The following POU6F2 variants were observed in gnomAD, a reference collection of about 807,000 sequenced individuals.
The protein encoded by POU6F2 is POU class 6 homeobox 2.
Under a neutral mutation model 71.3 loss-of-function variants are expected in POU6F2, and 31 were observed. The observed-to-expected ratio is 0.43, with a 90% CI of 0.33 to 0.59. The LOEUF is 0.59. Among genes scored for constraint, POU6F2 ranks in the 20% least tolerant of loss-of-function variants. POU6F2 has a pLI of 0.04. For missense variants in POU6F2, 783 were observed against 856.8 expected, an observed-to-expected ratio of 0.91 and a Z score of 1.07; for synonymous variants, 347 against 355.7, an observed-to-expected ratio of 0.98 and a Z score of 0.27.
chr7:39,005,248 A>G (rs1789025677), intron 1 of POU6F2: 1 of 150,154 alleles, frequency 6.7e-6, no homozygotes, highest in Admixed American at 6.7e-5. Flanking sequence ...TTTAGATCTA[A>G]GTGATTCCAA....
chr7:39,452,835 G>A (rs1788693526), intron 8 of POU6F2, among the ~76,000 whole-genome samples: 1 of 152,256 alleles, frequency 6.6e-6, no homozygotes, highest in African/African-American at 2.4e-5. Flanking sequence ...GCTCATGCCT[G>A]TAATCCCAGC....
In POU6F2 at chr7:39,464,655, C is replaced by A; in HGVS notation, c.2132C>A (p.Pro711His). 2 of 1,606,732 alleles carry A rather than the reference C, an allele frequency of 1.2e-6. No individual in the cohort carries two copies. Among genetic ancestry groups the A allele is most frequent in the Non-Finnish European group, 1.7e-6 (2 of 1,176,856 alleles). ...HEPATAVPLEPLTDSLEENS is the reference protein window; with the variant it reads ...HEPATAVPLEHLTDSLEENS ...CCGGCCACGGCAGTCCCTTTGGAGC[C>A]CTTAACAGACTCTCTGGAAGAAAAC... Residue 711 changes from proline (P) to histidine (H), a missense_variant, in exon 10 of 10, where the codon CCC (proline) becomes CAC (histidine). By Grantham distance (77) the Pro-to-His change is moderately conservative (BLOSUM62 -2). Around this residue, in one of 2 missense-constraint regions of POU6F2, gnomAD observed 211 missense variants for 283.9 expected, o/e 0.74. Coordinates refer to ENST00000518318, the MANE Select transcript of POU6F2 (RefSeq NM_001370959.1). This position sits in a 1 kb window ranked among gnomAD's most constrained non-coding sequence, Gnocchi z 4.1.
At chr7:39,011,155 G>A (rs2128703170) in intron 1 of POU6F2, among the ~76,000 whole-genome samples, 1 of 138,972 alleles carries the variant, frequency 7.2e-6, no homozygotes, top group African/African-American at 2.7e-5. Flanking sequence ...ATGTGTGGGA[G>A]TCTAAGTCTC....
intron 2 of POU6F2, among the ~76,000 whole-genome samples, chr7:39,195,104 T>C (rs571756105): frequency 4.1e-4 from 63 of 152,216 alleles, no homozygotes; most frequent in Non-Finnish European, 7.2e-4. Flanking sequence ...TTAAAATTTT[T>C]TTCTTGGAAA....
At chr7:39,233,695 G>A (rs1009505095) in intron 4 of POU6F2, among the ~76,000 whole-genome samples, 13 of 152,008 alleles carry the variant, frequency 8.6e-5, no homozygotes, top group Admixed American at 5.2e-4. Flanking sequence ...GATTGTTAGC[G>A]GACCCCCAGA....
intron 4 of POU6F2, among the ~76,000 whole-genome samples, chr7:39,284,001 A>T (rs984812769): frequency 1.3e-5 from 2 of 152,194 alleles, no homozygotes; most frequent in African/African-American, 4.8e-5. Context: ...AATGACAAAA[A>T]AAGGATGCAA....
chr7:39,449,976 G>A (rs1788618340), intron 7 of POU6F2, among the ~76,000 whole-genome samples: 1 of 152,218 alleles, frequency 6.6e-6, no homozygotes, highest in African/African-American at 2.4e-5. Flanking sequence ...TGACAAAGGA[G>A]AGGAGGGAAC....
In POU6F2 at chr7:39,297,196, TACACACACAC is replaced by T. The variant is rs61192418; in HGVS notation, c.599-42414_599-42405del. 4.3e-3 allele frequency among the ~76,000 whole-genome samples: 602 copies of T among 139,112 alleles called. 1 individual carries two copies. The highest frequency in any genetic ancestry group is 0.013 in the African/African-American group (488 of 37,624). 91.3% of individuals were successfully genotyped at this position (139,112 alleles called of 152,430 possible). A position where few individuals can be genotyped will look rare whatever the true frequency, so the allele number is the denominator to read the frequency against. The stretch of plus-strand genomic sequence containing the variant: ...GGGTGTTTACAAACACACATACACA[TACACACACAC>T]ACACACACACACACACACACACACA... On this transcript the variant is annotated intron_variant, in intron 4 of 9. Transcript: ENST00000518318.
In POU6F2 at chr7:39,168,794, G is replaced by A. The variant is rs572385851; in HGVS notation, c.278-35441G>A. Reference sequence around the variant, plus strand: ...ATGTGTCTCTCCTGCATGTTTTTTTGTCCCCACTGCCATTTTCTGAGGGGA... The same window carrying A: ...ATGTGTCTCTCCTGCATGTTTTTTTATCCCCACTGCCATTTTCTGAGGGGA... On this transcript the variant is annotated intron_variant, in intron 2 of 9. Coordinates refer to ENST00000518318, the MANE Select transcript of POU6F2 (RefSeq NM_001370959.1). Among the ~76,000 whole-genome samples, 9 of 152,150 alleles carry A rather than the reference G, an allele frequency of 5.9e-5. No individual in the cohort carries two copies. The East Asian group carries it at 1.7e-3, about 29-fold the overall frequency.
rs1055289689 is a variant in POU6F2, at chr7:39,161,483, G to A, written c.278-42752G>A. On this transcript the variant is annotated intron_variant, in intron 2 of 9. Transcript: ENST00000518318. ...AAGACAGCTGTATGACAGATATGTT[G>A]GTGTAGGTATTAACCCTGCCAGGCA... Among the ~76,000 whole-genome samples the A allele has an allele frequency of 2.0e-5, 3 of 152,232 alleles. No individual in the cohort carries two copies. The East Asian group carries it at 5.8e-4, about 29-fold the overall frequency.
At chr7:39,426,267 T>C (rs769076524) in intron 6 of POU6F2, among the ~76,000 whole-genome samples, 6 of 152,200 alleles carry the variant, frequency 3.9e-5, no homozygotes, top group Admixed American at 6.5e-5. Context: ...TTGGGGGCAC[T>C]TTCATGAGTT....
At chr7:39,462,480 T>C (rs1475110056) in intron 9 of POU6F2, among the ~76,000 whole-genome samples, 1 of 152,166 alleles carries the variant, frequency 6.6e-6, no homozygotes, top group Non-Finnish European at 1.5e-5. Flanking sequence ...TTTAAATCCC[T>C]CCTTATCAGA....
chr7:39,397,469 T>TAG (rs139981093), intron 5 of POU6F2, among the ~76,000 whole-genome samples: 5 of 132,652 alleles, frequency 3.8e-5, no homozygotes, highest in African/African-American at 1.1e-4. Flanking sequence ...TATATAGACA[T>TAG]AGAGAGAGAC....
intron 5 of POU6F2, among the ~76,000 whole-genome samples, chr7:39,372,464 C>G (rs1270849280): frequency 6.6e-6 from 1 of 152,156 alleles, no homozygotes; most frequent in East Asian, 1.9e-4. Flanking sequence ...ATCTGCAGAG[C>G]TGATATACCA....
intron 8 of POU6F2, among the ~76,000 whole-genome samples, chr7:39,459,792 G>C (rs994437533): frequency 2.6e-5 from 4 of 152,084 alleles, no homozygotes; most frequent in African/African-American, 9.7e-5. Context: ...AGTAGCCAGG[G>C]GGGGAAAAGT....
At chr7:39,181,120 G>A (rs922412739) in intron 2 of POU6F2, among the ~76,000 whole-genome samples, 1 of 152,154 alleles carries the variant, frequency 6.6e-6, no homozygotes, top group African/African-American at 2.4e-5. Context: ...CTGTGAACAT[G>A]GCTCTCTGCA....
At chr7:39,233,989 A>T (rs767851320) in intron 4 of POU6F2, among the ~76,000 whole-genome samples, 1 of 152,106 alleles carries the variant, frequency 6.6e-6, no homozygotes, top group African/African-American at 2.4e-5. Context: ...ACCAATAGTC[A>T]TGTGGGCCTT....
chr7:39,240,592 A>G (rs1205351786), intron 4 of POU6F2, among the ~76,000 whole-genome samples: 1 of 152,144 alleles, frequency 6.6e-6, no homozygotes, highest in Non-Finnish European at 1.5e-5. Flanking sequence ...GAGAAACTTT[A>G]CAAAATGCTT....
intron 6 of POU6F2, among the ~76,000 whole-genome samples, chr7:39,429,689 C>T (rs182106261): frequency 2.6e-5 from 4 of 152,280 alleles, no homozygotes; most frequent in African/African-American, 9.6e-5. Flanking sequence ...TGTCCGTGTG[C>T]TCAGTGGCAA....
Sources: allele counts gnomAD v4.1 joint callset (sites outside exome capture counted in the v4.1 genomes callset), GRCh38; gene constraint gnomAD v4.1.1; regional missense constraint gnomAD v4.1.1; non-coding constraint Gnocchi (gnomAD v3.1); transcripts MANE v1.5; gene names NCBI Gene and HGNC (gene_info 2026-07-23, HGNC 2026-07-21).